Variants in CNTN2 observed in about 807,000 individuals in gnomAD.
CNTN2 encodes contactin 2.
A neutral mutation model predicts 117.5 loss-of-function variants in CNTN2; 53 were observed. That is an observed-to-expected ratio of 0.45 (90% CI 0.36 to 0.57). The LOEUF (loss-of-function observed/expected upper bound fraction) is 0.57. CNTN2 is among the 20% of genes least tolerant of loss of function. CNTN2 has a pLI of 0.00. For missense variants in CNTN2, 1,106 were observed against 1,404.3 expected (o/e 0.79, Z 3.39); for synonymous variants, 530 against 561.7 (o/e 0.94, Z 0.80).
chr1:205,072,133 C>G lies in CNTN2; in HGVS notation c.2731C>G (p.Pro911Ala), dbSNP rs1479712815. The G allele has an allele frequency of 1.9e-6, 3 of 1,605,502 alleles. No individual in the cohort carries two copies. Among genetic ancestry groups the G allele is most frequent in the Non-Finnish European group, 2.5e-6 (3 of 1,177,110 alleles). ...TGCCAACGCCACGACCATGAAGCCC[C>G]GTGAGTCTGTCTGCCTGGGGTGGGG... Reference protein sequence around the residue: ...PSANATTMKPPPRRPPGNISW... With the variant: ...PSANATTMKPAPRRPPGNISW... The change falls in exon 20 of 23, where the codon CCT (proline) becomes GCT (alanine). Residue 911 changes from proline (P) to alanine (A), a missense_variant and splice_region_variant. Transcript: ENST00000331830.
At chr1:205,044,652 C>T (rs1335459754) in intron 1 of CNTN2, among the ~76,000 whole-genome samples, 2 of 152,202 alleles carry the variant, frequency 1.3e-5, no homozygotes, top group Non-Finnish European at 2.9e-5. Flanking sequence ...CTCTCCCAAC[C>T]GTCTGGCCAA....
At position 205,069,871 on chromosome 1, in the gene CNTN2, G is replaced by A. The variant is rs776132190; in HGVS notation, c.2241G>A (p.Leu747=). Residue 747 remains leucine (L), a synonymous_variant, in exon 18 of 23, where the codon CTG becomes CTA. Coordinates refer to ENST00000331830, the MANE Select transcript of CNTN2 (RefSeq NM_005076.5). ...EYQNGDGFGY[L]LSFRRQGSTH... is the part of the protein sequence containing the mutation. Reference sequence around the variant, plus strand: ...AGAACGGAGACGGCTTCGGCTACCTGCTGTCCTTCCGCAGGCAGGGCAGCA... The same window carrying A: ...AGAACGGAGACGGCTTCGGCTACCTACTGTCCTTCCGCAGGCAGGGCAGCA... 2 of 1,613,830 alleles carry A rather than the reference G, an allele frequency of 1.2e-6. No individual in the cohort carries two copies. The highest frequency in any genetic ancestry group is 1.7e-5 in the Admixed American group (1 of 60,026).
intron 1 of CNTN2, among the ~76,000 whole-genome samples, chr1:205,044,787 T>C (rs1232994450): frequency 6.6e-6 from 1 of 152,184 alleles, no homozygotes; most frequent in East Asian, 1.9e-4. Flanking sequence ...GCTGCTGTGA[T>C]CGCACCTGGA....
intron 10 of CNTN2, among the ~76,000 whole-genome samples, chr1:205,064,060 T>C (rs1294570140): frequency 1.3e-5 from 2 of 148,302 alleles, no homozygotes; most frequent in Non-Finnish European, 3.0e-5. Flanking sequence ...GGAGAAAAGA[T>C]TGTAGAAGGA....
rs571565741 is a variant in CNTN2, at chr1:205,078,249, T to C, written c.*4484T>C. On this transcript the variant is annotated 3_prime_UTR_variant, in exon 23 of 23. Transcript: ENST00000331830. ...GCATTTGGCTAGAATCAGTTGGCTT[T>C]ACCTAATACAGTGGCAGTAAACAAT... 1 of 152,350 alleles carries C rather than the reference T, an allele frequency of 6.6e-6. No individual in the cohort carries two copies. Among genetic ancestry groups the C allele is most frequent in the East Asian group, 1.9e-4 (1 of 5,184 alleles). 9.4% of individuals were successfully genotyped at this position (152,350 alleles called of 1,614,324 possible). A position where few individuals can be genotyped will look rare whatever the true frequency, so the allele number is the denominator to read the frequency against.
chr1:205,066,038 G>A, intron 14 of CNTN2, 129 bp downstream of exon 14: 1 of 1,120,392 alleles, frequency 8.9e-7, no homozygotes, highest in Non-Finnish European at 1.3e-6. Context: ...CGGAACTCCT[G>A]TGAGCTGGAT....
rs1374734990 is a variant in CNTN2 at position 205,076,558 on chromosome 1, A to T, written c.*2793A>T. ...ACATCAAGCCCCAGAGGAGGCGGCA[A>T]GAGGAACAGCCACAAACAAGTACTT... On this transcript the variant is annotated 3_prime_UTR_variant, in exon 23 of 23. Transcript: ENST00000331830. 1 of 152,202 alleles carries T rather than the reference A, an allele frequency of 6.6e-6. No individual in the cohort carries two copies. Among genetic ancestry groups the T allele is most frequent in the Non-Finnish European group, 1.5e-5 (1 of 68,044 alleles). 9.4% of individuals were successfully genotyped at this position (152,202 alleles called of 1,614,324 possible). A position where few individuals can be genotyped will look rare whatever the true frequency, so the allele number is the denominator to read the frequency against.
rs1558548956 is a variant in CNTN2, at chr1:205,065,363, C to T, written c.1695+101C>T. On this transcript the variant is annotated intron_variant, in intron 13 of 22. Coordinates refer to ENST00000331830, the MANE Select transcript of CNTN2 (RefSeq NM_005076.5). The surrounding 1 kb of genome is among the most constrained non-coding windows in gnomAD (Gnocchi z 4.1). ...TCCTCACCTTTAAGAAACCCATAGC[C>T]TAAGCGCCCCCATTCCCTCAGGCCC... 4.0e-6 allele frequency: 5 copies of T among 1,249,212 alleles called. No individual in the cohort carries two copies. The highest frequency in any genetic ancestry group is 5.6e-6 in the Non-Finnish European group (5 of 890,126). 77.4% of individuals were successfully genotyped at this position (1,249,212 alleles called of 1,614,324 possible).
At chr1:205,045,648 A>AT (rs2096440302) in intron 1 of CNTN2, among the ~76,000 whole-genome samples, 1 of 151,916 alleles carries the variant, frequency 6.6e-6, no homozygotes, top group African/African-American at 2.4e-5. Flanking sequence ...TGGTATTTGT[A>AT]TTTTTGGAGG....
Position 205,061,672 on chromosome 1 carries a change from G to T in CNTN2, c.974-193G>T. 1.2e-6 allele frequency: 1 copy of T among 846,806 alleles called. No individual in the cohort carries two copies. Among genetic ancestry groups the T allele is most frequent in the Non-Finnish European group, 1.8e-6 (1 of 559,672 alleles). The allele number at this position is 846,806 out of a possible 1,614,324, so 52.5% of individuals were successfully genotyped here. On this transcript the variant is annotated intron_variant, in intron 8 of 22. Coordinates refer to ENST00000331830, the MANE Select transcript of CNTN2 (RefSeq NM_005076.5). This position sits in a 1 kb window ranked among gnomAD's most constrained non-coding sequence, Gnocchi z 4.8. Reference sequence around the variant, plus strand: ...ATTTAAGTTGCAAAAGCAGCCACTGGCACAGCCACAGAGTGCCAGCTTTCT... The same window carrying T: ...ATTTAAGTTGCAAAAGCAGCCACTGTCACAGCCACAGAGTGCCAGCTTTCT...
chr1:205,049,542 C>T (rs1227266493), intron 1 of CNTN2, among the ~76,000 whole-genome samples: 3 of 152,132 alleles, frequency 2.0e-5, no homozygotes, highest in Admixed American at 6.6e-5. Context: ...CTAGGGACTC[C>T]GGGTAGGAAT....
chr1:205,053,289 A>C (rs760933253), intron 2 of CNTN2, 34 bp downstream of exon 2: 1 of 1,570,670 alleles, frequency 6.4e-7, no homozygotes, highest in Admixed American at 1.7e-5. Context: ...GAAGCCTAGC[A>C]GGCATGATTA....
At chr1:205,053,338 A>C in intron 2 of CNTN2, 83 bp downstream of exon 2, 1 of 1,172,064 alleles carries the variant, frequency 8.5e-7, no homozygotes, top group Non-Finnish European at 1.2e-6. Flanking sequence ...TGACGATTAC[A>C]GAAATCATTG....
chr1:205,073,124 C>T lies in CNTN2; in HGVS notation c.2901C>T (p.Asn967=). Residue 967 remains asparagine (N), a synonymous_variant, in exon 22 of 23, where the codon AAC becomes AAT. Transcript: ENST00000331830. The surrounding 1 kb of genome is among the most constrained non-coding windows in gnomAD (Gnocchi z 6.3). ...LTPTLHLTGK[N]WIEIPVPEDI... is the part of the protein sequence containing the mutation. ...CCACGCTCCACCTCACCGGCAAGAA[C>T]TGGATAGAAATCCCAGTGCCTGAAG... is the stretch of plus-strand genomic sequence containing the variant. 1 of 1,614,208 alleles carries T rather than the reference C, an allele frequency of 6.2e-7. No individual in the cohort carries two copies. Among genetic ancestry groups the T allele is most frequent in the South Asian group, 1.1e-5 (1 of 91,086 alleles).
rs1374113629 is a variant in CNTN2 at position 205,074,119 on chromosome 1, A to G, written c.*354A>G. On this transcript the variant is annotated 3_prime_UTR_variant, in exon 23 of 23. Coordinates refer to ENST00000331830, the MANE Select transcript of CNTN2 (RefSeq NM_005076.5). ...CAGAGATGGCCCTCTGGGACCCTAT[A>G]CGGACTCCGCCACTTGAGAGCAGTC... 3 of 537,320 alleles carry G rather than the reference A, an allele frequency of 5.6e-6. No homozygotes were observed. The highest frequency in any genetic ancestry group is 3.8e-5 in the African/African-American group (2 of 53,226). 33.3% of individuals were successfully genotyped at this position (537,320 alleles called of 1,614,324 possible). A position where few individuals can be genotyped will look rare whatever the true frequency, so the allele number is the denominator to read the frequency against.
intron 2 of CNTN2, 41 bp downstream of exon 2, chr1:205,053,296 AT>A: frequency 6.5e-7 from 1 of 1,541,962 alleles, no homozygotes; most frequent in Non-Finnish European, 8.9e-7. Context: ...AGCAGGCATG[AT>A]TATAGTGTTA....
chr1:205,048,147 C>G lies in CNTN2; in HGVS notation c.-87+4753C>G, dbSNP rs1466597960. Among the ~76,000 whole-genome samples the G allele has an allele frequency of 6.6e-6, 1 of 152,166 alleles. No homozygotes were observed. The highest frequency in any genetic ancestry group is 2.4e-5 in the African/African-American group (1 of 41,418). On this transcript the variant is annotated intron_variant, in intron 1 of 22. Transcript: ENST00000331830. The surrounding 1 kb of genome is among the most constrained non-coding windows in gnomAD (Gnocchi z 4.1). Reference sequence around the variant, plus strand: ...TGGGCTCTGAACTCCCCTTTGCTACCACCATCCATCGGAAGTTGCCAAATC... The same window carrying G: ...TGGGCTCTGAACTCCCCTTTGCTACGACCATCCATCGGAAGTTGCCAAATC...
chr1:205,044,112 G>T (rs1166147888), intron 1 of CNTN2, among the ~76,000 whole-genome samples: 1 of 152,102 alleles, frequency 6.6e-6, no homozygotes, highest in African/African-American at 2.4e-5. Flanking sequence ...CCTCACTGGT[G>T]GGAGGGAAGA....
chr1:205,066,406 A>G lies in CNTN2; in HGVS notation c.1817-35A>G, dbSNP rs755200223. 13 of 1,605,982 alleles carry G rather than the reference A, an allele frequency of 8.1e-6. No homozygotes were observed. In the East Asian group the frequency reaches 1.1e-4, roughly 14 times the overall value. On this transcript the variant is annotated intron_variant, in intron 14 of 22. Coordinates refer to ENST00000331830, the MANE Select transcript of CNTN2 (RefSeq NM_005076.5). The stretch of plus-strand genomic sequence containing the variant: ...GTTGGCTCAAATTGGAAGCTGCCCA[A>G]TTCTGACCCACTGTGCTCTGACCTC...
Sources: gnomAD v4.1 joint callset for allele counts (sites outside exome capture counted in the v4.1 genomes callset) on GRCh38, gnomAD v4.1.1 for gene constraint, Gnocchi (gnomAD v3.1) non-coding constraint, MANE v1.5 for transcripts, NCBI Gene and HGNC (gene_info 2026-07-23, HGNC 2026-07-21) for gene names.